The following PRKCB variants were observed in gnomAD, a reference collection of about 807,000 sequenced individuals.
PRKCB encodes the protein protein kinase C beta type.
Under a neutral mutation model 81.5 loss-of-function variants are expected in PRKCB, and 13 were observed. The observed-to-expected ratio is 0.16, with a 90% CI of 0.10 to 0.25. The LOEUF (loss-of-function observed/expected upper bound fraction) is 0.25. PRKCB is among the 10% of genes least tolerant of loss of function. The probability of loss-of-function intolerance (pLI) is 1.00; values close to 1 mark genes in which losing one functional copy is unlikely to be tolerated. For missense variants in PRKCB, 509 were observed against 875.7 expected (o/e 0.58, Z 5.29); for synonymous variants, 335 against 321.4 (o/e 1.04, Z -0.45).
At chr16:23,886,065 G>A (rs1275875770) in intron 2 of PRKCB, among the ~76,000 whole-genome samples, 2 of 152,126 alleles carry the variant, frequency 1.3e-5, no homozygotes, top group Non-Finnish European at 2.9e-5. Context: ...CAAGTGTGTT[G>A]TATTACAGCT....
At position 23,950,141 on chromosome 16, in the gene PRKCB, T is replaced by G. The variant is rs1272897478; in HGVS notation, c.206-38367T>G. ...GGCCCCTATGATTTGAATTTTTTTT[T>G]TTTTTTTTTTTTTTTTTCTGTTGAT... On this transcript the variant is annotated intron_variant, in intron 2 of 16. Coordinates refer to ENST00000643927, the MANE Select transcript of PRKCB (RefSeq NM_002738.7). Among the ~76,000 whole-genome samples the G allele has an allele frequency of 1.1e-4, 16 of 143,752 alleles. 1 individual carries two copies. The highest frequency in any genetic ancestry group is 2.1e-4 in the African/African-American group (8 of 38,942). The allele number at this position is 143,752 out of a possible 152,430, so 94.3% of individuals were successfully genotyped here. A position where few individuals can be genotyped will look rare whatever the true frequency, so the allele number is the denominator to read the frequency against.
rs573116398 is a variant in PRKCB at position 24,011,775 on chromosome 16, G to T, written c.289-20361G>T. On this transcript the variant is annotated intron_variant, in intron 3 of 16. Transcript: ENST00000643927. ...GCTGGGATTACAGGCATGAACCATTGTGTCCCACCTTAGCTGTGCACTTTA... is the reference window on the plus strand; with the variant it reads ...GCTGGGATTACAGGCATGAACCATTTTGTCCCACCTTAGCTGTGCACTTTA... Among the ~76,000 whole-genome samples, 56 of 152,252 alleles carry T rather than the reference G, an allele frequency of 3.7e-4. No homozygotes were observed. The South Asian group carries it at 0.011, about 31-fold the overall frequency.
At chr16:24,078,618 A>G (rs528331085) in intron 5 of PRKCB, among the ~76,000 whole-genome samples, 20 of 152,294 alleles carry the variant, frequency 1.3e-4, no homozygotes, top group African/African-American at 4.8e-4. Context: ...GTGCATGAGT[A>G]AAGTAGCAAG....
chr16:23,952,397 T>C (rs1964295391), intron 2 of PRKCB, among the ~76,000 whole-genome samples: 1 of 152,214 alleles, frequency 6.6e-6, no homozygotes, highest in South Asian at 2.1e-4. Context: ...TCTGCGTATG[T>C]GTGAACAAGG....
At chr16:24,211,374 A>G (rs552637510) in intron 16 of PRKCB, among the ~76,000 whole-genome samples, 1 of 152,318 alleles carries the variant, frequency 6.6e-6, no homozygotes, top group African/African-American at 2.4e-5. Context: ...TGCGTTGATC[A>G]CATACTCAGT....
intron 16 of PRKCB, among the ~76,000 whole-genome samples, chr16:24,195,037 C>T (rs898008254): frequency 1.3e-5 from 2 of 152,064 alleles, no homozygotes. Flanking sequence ...AACCCCGTCT[C>T]TACAAAAAAT....
chr16:24,149,234 G>A (rs989090436), intron 9 of PRKCB, among the ~76,000 whole-genome samples: 1 of 152,208 alleles, frequency 6.6e-6, no homozygotes, highest in Non-Finnish European at 1.5e-5. Flanking sequence ...TAAGGCAGCC[G>A]CAGTGCCTGC....
chr16:23,948,387 G>A (rs956636163), intron 2 of PRKCB, among the ~76,000 whole-genome samples: 12 of 152,090 alleles, frequency 7.9e-5, no homozygotes, highest in Non-Finnish European at 1.2e-4. Context: ...AACACTTTAT[G>A]TGTGTTATCT....
intron 10 of PRKCB, among the ~76,000 whole-genome samples, chr16:24,167,277 C>A (rs567890967): frequency 5.5e-4 from 83 of 152,222 alleles, no homozygotes; most frequent in African/African-American, 1.9e-3. Flanking sequence ...TATAAGTGAT[C>A]ATTTCACCTC....
At chr16:24,137,673 C>T (rs2141940767) in intron 9 of PRKCB, among the ~76,000 whole-genome samples, 1 of 152,332 alleles carries the variant, frequency 6.6e-6, no homozygotes, top group Non-Finnish European at 1.5e-5. Flanking sequence ...ATATCCATCT[C>T]AACTTTATCT....
chr16:24,066,997 A>G (rs1178078835), intron 5 of PRKCB, among the ~76,000 whole-genome samples: 1 of 151,190 alleles, frequency 6.6e-6, no homozygotes, highest in Non-Finnish European at 1.5e-5. Flanking sequence ...CCACAGGTGC[A>G]TGCCACTGAG....
At chr16:24,050,620 C>G (rs1447388166) in intron 5 of PRKCB, among the ~76,000 whole-genome samples, 2 of 152,204 alleles carry the variant, frequency 1.3e-5, no homozygotes, top group Non-Finnish European at 2.9e-5. Context: ...ATACATTCTC[C>G]TCTCTTTTGT....
chr16:23,843,596 T>C (rs148070316), intron 2 of PRKCB, among the ~76,000 whole-genome samples: 351 of 151,822 alleles, frequency 2.3e-3, no homozygotes, highest in Admixed American at 3.9e-3. Flanking sequence ...TCAGGAGGAG[T>C]CTGAAGCTTT....
chr16:24,018,546 T>C (rs1257985352), intron 3 of PRKCB, among the ~76,000 whole-genome samples: 1 of 152,220 alleles, frequency 6.6e-6, no homozygotes, highest in Admixed American at 6.5e-5. Context: ...AGAGTTAAGC[T>C]TAGATGTGGC....
chr16:24,063,140 T>G (rs550323180), intron 5 of PRKCB, among the ~76,000 whole-genome samples: 2 of 152,174 alleles, frequency 1.3e-5, no homozygotes, highest in East Asian at 3.9e-4. Flanking sequence ...GGCCTAGGGG[T>G]AGCAATGACA....
intron 2 of PRKCB, among the ~76,000 whole-genome samples, chr16:23,849,666 A>G (rs1316704132): frequency 1.4e-5 from 2 of 147,188 alleles, no homozygotes; most frequent in Non-Finnish European, 3.0e-5. Context: ...TCAGTTGGAT[A>G]TTCATCTTTT....
intron 8 of PRKCB, among the ~76,000 whole-genome samples, chr16:24,120,623 C>T (rs1007390551): frequency 1.3e-5 from 2 of 152,134 alleles, no homozygotes; most frequent in African/African-American, 4.8e-5. Flanking sequence ...GGGGAGCTGT[C>T]CTTCATCTCC....
At chr16:24,004,212 T>C (rs1965082320) in intron 3 of PRKCB, among the ~76,000 whole-genome samples, 1 of 152,120 alleles carries the variant, frequency 6.6e-6, no homozygotes. Context: ...AATTCTCTAC[T>C]GAAAGGCAAA....
chr16:24,096,636 T>C (rs2520007), intron 7 of PRKCB, among the ~76,000 whole-genome samples: 24,281 of 131,428 alleles, frequency 0.18, 2,856 homozygotes, highest in Non-Finnish European at 0.26. Flanking sequence ...GATTTTATTT[T>C]GCTCCCTTCC....
Sources: gnomAD v4.1 joint callset for allele counts (sites outside exome capture counted in the v4.1 genomes callset) on GRCh38, gnomAD v4.1.1 for gene constraint, MANE v1.5 for transcripts, NCBI Gene and HGNC (gene_info 2026-07-23, HGNC 2026-07-21) for gene names.